The following CCDC178 variants were observed in gnomAD, a reference collection of about 807,000 sequenced individuals.
CCDC178 encodes the protein coiled-coil domain containing 178.
CCDC178 carries 126 observed loss-of-function variants against 117.4 expected under a neutral mutation model. The observed-to-expected ratio is 1.07, with a 90% CI of 0.93 to 1.24. The LOEUF (loss-of-function observed/expected upper bound fraction) is 1.24. Ranked by LOEUF, CCDC178 falls within the 50% of genes most tolerant of loss-of-function variation. The pLI, the probability that CCDC178 is intolerant of heterozygous loss-of-function variation, is 0.00. For synonymous variants in CCDC178, 283 were observed against 313.4 expected, an observed-to-expected ratio of 0.90 and a Z score of 1.02; for missense variants, 1,030 against 986.9, an observed-to-expected ratio of 1.04 and a Z score of -0.59.
intron 11 of CCDC178, among the ~76,000 whole-genome samples, chr18:33,314,038 A>G (rs2062380977): frequency 6.7e-6 from 1 of 150,194 alleles, no homozygotes; most frequent in African/African-American, 2.5e-5. Flanking sequence ...GTCTCTACTA[A>G]AAATACAAAA....
chr18:33,252,535 C>A (rs2059629248), intron 14 of CCDC178, among the ~76,000 whole-genome samples: 1 of 151,524 alleles, frequency 6.6e-6, no homozygotes, highest in South Asian at 2.1e-4. Flanking sequence ...TTGTGCAATG[C>A]TGGAAAAAGA....
chr18:33,242,688 C>T (rs1266263720), intron 15 of CCDC178, among the ~76,000 whole-genome samples: 1 of 151,274 alleles, frequency 6.6e-6, no homozygotes, highest in East Asian at 1.9e-4. Flanking sequence ...CAGATAAATG[C>T]AAATCAAAAC....
intron 5 of CCDC178, 116 bp from the exon 6 acceptor site, chr18:33,370,305 TAGAG>T (rs921193278): frequency 1.2e-5 from 6 of 493,494 alleles, no homozygotes; most frequent in Middle Eastern, 3.3e-4. Context: ...GTTTCCTTAA[TAGAG>T]AGGCTGAGAA....
At chr18:33,257,018 T>C (rs2059688618) in intron 14 of CCDC178, among the ~76,000 whole-genome samples, 1 of 152,122 alleles carries the variant, frequency 6.6e-6, no homozygotes, top group South Asian at 2.1e-4. Flanking sequence ...AAGAACCTTA[T>C]CATTGTTTCT....
At chr18:33,365,819 T>A (rs1175965745) in intron 6 of CCDC178, among the ~76,000 whole-genome samples, 1 of 152,072 alleles carries the variant, frequency 6.6e-6, no homozygotes, top group Non-Finnish European at 1.5e-5. Context: ...TCTAAGAGAA[T>A]AAGGTAGAGG....
At position 33,370,158 on chromosome 18, in the gene CCDC178, T is replaced by G; in HGVS notation, c.240A>C (p.Pro80=). The G allele has an allele frequency of 1.2e-6, 2 of 1,604,572 alleles. No homozygotes were observed. Among genetic ancestry groups the G allele is most frequent in the Non-Finnish European group, 8.5e-7 (1 of 1,175,850 alleles). The change falls in exon 6 of 23, where the codon CCA becomes CCC. Residue 80 remains proline, a synonymous_variant. Coordinates refer to ENST00000383096, the MANE Select transcript of CCDC178 (RefSeq NM_001105528.4). ...CTACGGCACAGCTGTGACGTCGACA[T>G]GGGTAGCTAAAGTAAATGCCTTTAT... ...GVNKGIYFSY[P]CRRHSCAVVN... is the part of the protein sequence containing the mutation.
At chr18:33,023,613 A>G (rs1185650825) in intron 21 of CCDC178, among the ~76,000 whole-genome samples, 1 of 152,190 alleles carries the variant, frequency 6.6e-6, no homozygotes, top group Non-Finnish European at 1.5e-5. Context: ...TGCATATATT[A>G]GAAGAAATGA....
chr18:33,288,823 T>C (rs1346206434), intron 12 of CCDC178, among the ~76,000 whole-genome samples: 1 of 152,150 alleles, frequency 6.6e-6, no homozygotes, highest in Non-Finnish European at 1.5e-5. Flanking sequence ...AAACAGACAT[T>C]ATATTATGAG....
intron 21 of CCDC178, among the ~76,000 whole-genome samples, chr18:33,034,044 A>G (rs1299888983): frequency 2.6e-5 from 4 of 151,746 alleles, no homozygotes; most frequent in Non-Finnish European, 5.9e-5. Context: ...TTCCCTACAA[A>G]CCCGTTTTTC....
intron 20 of CCDC178, among the ~76,000 whole-genome samples, chr18:33,148,201 C>G (rs2058295004): frequency 1.3e-5 from 2 of 152,256 alleles, no homozygotes. Flanking sequence ...GCTGGCAGAT[C>G]ACTCGCGGTT....
intron 20 of CCDC178, among the ~76,000 whole-genome samples, chr18:33,179,590 C>T (rs561543033): frequency 6.6e-6 from 1 of 151,834 alleles, no homozygotes; most frequent in Admixed American, 6.6e-5. Flanking sequence ...GGAAATATAA[C>T]CCAAGTGTGA....
chr18:33,237,500 G>A (rs1706434288), intron 15 of CCDC178, among the ~76,000 whole-genome samples: 1 of 152,146 alleles, frequency 6.6e-6, no homozygotes, highest in Non-Finnish European at 1.5e-5. Flanking sequence ...TGCCAGGCCA[G>A]CTGATCAGCT....
intron 19 of CCDC178, among the ~76,000 whole-genome samples, chr18:33,215,066 C>G (rs1026168157): frequency 6.6e-6 from 1 of 152,032 alleles, no homozygotes; most frequent in East Asian, 1.9e-4. Flanking sequence ...TCAGGACTTA[C>G]TAACCCTGAA....
intron 2 of CCDC178, among the ~76,000 whole-genome samples, chr18:33,412,978 C>G (rs1274720672): frequency 6.6e-6 from 1 of 152,076 alleles, no homozygotes; most frequent in Non-Finnish European, 1.5e-5. Context: ...TCGCTAACAA[C>G]CTCCCTGTGC....
chr18:33,097,661 A>C (rs1314133171), intron 20 of CCDC178, among the ~76,000 whole-genome samples: 1 of 152,118 alleles, frequency 6.6e-6, no homozygotes, highest in Non-Finnish European at 1.5e-5. Context: ...CAGCACTTTT[A>C]AACACTATAT....
intron 19 of CCDC178, among the ~76,000 whole-genome samples, chr18:33,212,539 T>C (rs1185087928): frequency 6.6e-6 from 1 of 152,002 alleles, no homozygotes; most frequent in Non-Finnish European, 1.5e-5. Flanking sequence ...TGCCTGGTAT[T>C]GAGCTGTTGA....
chr18:33,397,506 T>A (rs2063655331), intron 3 of CCDC178, among the ~76,000 whole-genome samples: 1 of 152,174 alleles, frequency 6.6e-6, no homozygotes, highest in Admixed American at 6.5e-5. Context: ...TCTGTGTAAT[T>A]TCTCTGTTTA....
At chr18:33,069,736 G>A (rs897980149) in intron 21 of CCDC178, among the ~76,000 whole-genome samples, 5 of 151,994 alleles carry the variant, frequency 3.3e-5, no homozygotes, top group African/African-American at 1.2e-4. Context: ...ACAAAGTGAA[G>A]AGACAACTTG....
intron 21 of CCDC178, among the ~76,000 whole-genome samples, chr18:33,006,094 T>C (rs1407905677): frequency 6.6e-6 from 1 of 152,108 alleles, no homozygotes; most frequent in African/African-American, 2.4e-5. Flanking sequence ...TTTGGTTGAC[T>C]GTATTAACAT....
Sources: allele counts gnomAD v4.1 joint callset (sites outside exome capture counted in the v4.1 genomes callset), GRCh38; gene constraint gnomAD v4.1.1; transcripts MANE v1.5; gene names NCBI Gene and HGNC (gene_info 2026-07-23, HGNC 2026-07-21).